FLT3: variants seen among roughly 807,000 people sequenced by gnomAD.
The protein encoded by FLT3 is fms related receptor tyrosine kinase 3, also known as receptor-type tyrosine-protein kinase FLT3.
A neutral mutation model predicts 126.6 loss-of-function variants in FLT3; 46 were observed. The observed-to-expected ratio is 0.36, with a 90% CI of 0.29 to 0.46. The LOEUF is 0.46. Ranked by LOEUF, FLT3 falls within the 20% of genes least tolerant of loss-of-function variation. FLT3 has a pLI of 1.00. For synonymous variants in FLT3, 404 were observed against 434.4 expected (o/e 0.93, Z 0.87); for missense variants, 1,069 against 1,190.3 (o/e 0.90, Z 1.50).
At chr13:28,035,154 G>T (rs1218023273) in intron 12 of FLT3, among the ~76,000 whole-genome samples, 2 of 152,128 alleles carry the variant, frequency 1.3e-5, no homozygotes, top group East Asian at 3.9e-4. Flanking sequence ...AAAACAGCAA[G>T]CTGAGGGCAA....
intron 15 of FLT3, among the ~76,000 whole-genome samples, chr13:28,030,223 G>C (rs974349203): frequency 2.6e-5 from 4 of 152,168 alleles, no homozygotes; most frequent in African/African-American, 9.7e-5. Context: ...TTTAGCTTGG[G>C]GGTGGGATTT....
intron 10 of FLT3, among the ~76,000 whole-genome samples, chr13:28,036,594 T>C (rs1405968550): frequency 2.6e-5 from 4 of 152,188 alleles, no homozygotes; most frequent in African/African-American, 7.2e-5. Flanking sequence ...ACATGACCTT[T>C]CAAAATACTA....
intron 1 of FLT3, among the ~76,000 whole-genome samples, chr13:28,077,197 AAGCATGATGCT>A (rs2137802613): frequency 6.6e-6 from 1 of 152,322 alleles, no homozygotes; most frequent in South Asian, 2.1e-4. Flanking sequence ...TGTGTGTGAG[AAGCATGATGCT>A]AGCATCTGCT....
At chr13:28,031,952 T>C (rs1003561412) in intron 15 of FLT3, among the ~76,000 whole-genome samples, 20 of 152,084 alleles carry the variant, frequency 1.3e-4, no homozygotes, top group African/African-American at 4.8e-4. Context: ...CTTTGGAAGC[T>C]TTTGTCCAGG....
At position 28,061,911 on chromosome 13, in the gene FLT3, C is replaced by T. The variant is rs1227729363; in HGVS notation, c.324G>A (p.Lys108=). The change falls in exon 3 of 24, where the codon AAG becomes AAA. Residue 108 remains lysine, a synonymous_variant. Coordinates refer to ENST00000241453, the MANE Select transcript of FLT3 (RefSeq NM_004119.3). ...GTGGCTGGCAATTCAGGGAGCTGTG[C>T]TTAAAGACCCAGAGACAGGAAATGT... ...PGNISCLWVF[K]HSSLNCQPHF... 2 of 1,614,152 alleles carry T rather than the reference C, an allele frequency of 1.2e-6. No homozygotes were observed. Among genetic ancestry groups the T allele is most frequent in the Admixed American group, 1.7e-5 (1 of 60,018 alleles).
chr13:28,006,582 TTAAC>T (rs1466832442), intron 23 of FLT3, among the ~76,000 whole-genome samples: 1 of 152,160 alleles, frequency 6.6e-6, no homozygotes, highest in Non-Finnish European at 1.5e-5. Flanking sequence ...TCCACCTGAA[TTAAC>T]TAACATGTGC....
At chr13:28,040,645 G>C (rs1373615987) in intron 9 of FLT3, among the ~76,000 whole-genome samples, 1 of 152,144 alleles carries the variant, frequency 6.6e-6, no homozygotes, top group African/African-American at 2.4e-5. Flanking sequence ...AATTCTGACT[G>C]TGTATTGTGA....
chr13:28,091,371 G>A (rs376455892), intron 1 of FLT3, among the ~76,000 whole-genome samples: 4,323 of 149,020 alleles, frequency 0.029, 106 homozygotes, highest in East Asian at 0.098. Flanking sequence ...ACAGGCGCCC[G>A]CCACCACGCC....
chr13:28,059,425 G>T (rs1261662580), intron 3 of FLT3, among the ~76,000 whole-genome samples: 1 of 152,166 alleles, frequency 6.6e-6, no homozygotes, highest in Non-Finnish European at 1.5e-5. Context: ...AAGGACAGCA[G>T]GGGGCAGCAA....
chr13:28,023,404 A>G lies in FLT3; in HGVS notation c.2364T>C (p.Leu788=). ...TGGCAACTTGATATGCAAAGCAAAG[A>G]AGATCTTCAAATGTAAGCACATTCA... ...EDLNVLTFED[L]LCFAYQVAKG... Residue 788 remains leucine (L), a synonymous_variant, in exon 19 of 24, where the codon CTT becomes CTC. Transcript: ENST00000241453. 2 of 1,614,038 alleles carry G rather than the reference A, an allele frequency of 1.2e-6. No individual in the cohort carries two copies. The highest frequency in any genetic ancestry group is 1.6e-4 in the Middle Eastern group (1 of 6,062).
At chr13:28,008,102 T>C (rs947008975) in intron 23 of FLT3, among the ~76,000 whole-genome samples, 6 of 151,916 alleles carry the variant, frequency 3.9e-5, no homozygotes, top group Non-Finnish European at 2.9e-5. Flanking sequence ...CCCAGCACTT[T>C]GGGAGGCTGA....
intron 1 of FLT3, among the ~76,000 whole-genome samples, chr13:28,072,970 A>T (rs144822111): frequency 6.6e-6 from 1 of 151,500 alleles, no homozygotes; most frequent in South Asian, 2.1e-4. Context: ...GTGCCACTGC[A>T]CTCCAGCCTG....
intron 1 of FLT3, among the ~76,000 whole-genome samples, chr13:28,097,254 A>G (rs1260378510): frequency 6.6e-6 from 1 of 151,938 alleles, no homozygotes; most frequent in East Asian, 1.9e-4. Context: ...AAGGAAGGAA[A>G]GAAGGAAGGA....
chr13:28,033,368 A>G (rs1873526394), intron 15 of FLT3, among the ~76,000 whole-genome samples: 1 of 152,236 alleles, frequency 6.6e-6, no homozygotes, highest in Non-Finnish European at 1.5e-5. Context: ...ATCAAAGCCT[A>G]TAAAAACTAA....
intron 17 of FLT3, 79 bp from the exon 18 acceptor site, chr13:28,025,022 A>G: frequency 1.2e-6 from 1 of 802,768 alleles, no homozygotes; most frequent in Admixed American, 2.2e-5. Context: ...TAATTCATCA[A>G]ATAAATGGAT....
At chr13:28,007,515 G>A (rs1040395090) in intron 23 of FLT3, among the ~76,000 whole-genome samples, 6 of 152,084 alleles carry the variant, frequency 3.9e-5, no homozygotes, top group African/African-American at 1.4e-4. Context: ...TCAATGTGCT[G>A]GGATTACAGG....
intron 9 of FLT3, among the ~76,000 whole-genome samples, chr13:28,047,521 C>T (rs535266922): frequency 2.0e-5 from 3 of 151,778 alleles, no homozygotes; most frequent in Admixed American, 6.6e-5. Flanking sequence ...GACCAGCCTG[C>T]GCAACATGGC....
intron 1 of FLT3, among the ~76,000 whole-genome samples, chr13:28,086,045 C>A (rs1297757938): frequency 6.6e-6 from 1 of 152,144 alleles, no homozygotes; most frequent in Non-Finnish European, 1.5e-5. Context: ...GAAACTTCTG[C>A]TTTTTAATTA....
chr13:28,097,046 A>C (rs901958607), intron 1 of FLT3, among the ~76,000 whole-genome samples: 4 of 151,944 alleles, frequency 2.6e-5, no homozygotes, highest in African/African-American at 9.7e-5. Flanking sequence ...TCTCATCTCT[A>C]CCAAAAAATT....
Sources: gnomAD v4.1 joint callset for allele counts (sites outside exome capture counted in the v4.1 genomes callset) on GRCh38, gnomAD v4.1.1 for gene constraint, MANE v1.5 for transcripts, NCBI Gene and HGNC (gene_info 2026-07-23, HGNC 2026-07-21) for gene names.